GTF2IRD1: variants seen among roughly 807,000 people sequenced by gnomAD.
GTF2IRD1 encodes general transcription factor II-I repeat domain-containing protein 1.
GTF2IRD1 carries 26 observed loss-of-function variants against 113.2 expected under a neutral mutation model. That is an observed-to-expected ratio of 0.23 (90% CI 0.17 to 0.32). The LOEUF is 0.32. Ranked by LOEUF, GTF2IRD1 falls within the 10% of genes least tolerant of loss-of-function variation. The pLI is 1.00. For missense variants in GTF2IRD1, 864 were observed against 1,280.8 expected (o/e 0.67, Z 4.97); for synonymous variants, 484 against 529.1 (o/e 0.91, Z 1.17).
rs553749999 is a variant in GTF2IRD1 at position 74,479,420 on chromosome 7, C to T, written c.-7+25244C>T. 5.3e-3 allele frequency among the ~76,000 whole-genome samples: 767 copies of T among 144,818 alleles called. 4 individuals carry two copies. The highest frequency in any genetic ancestry group is 0.033 in the Middle Eastern group (9 of 272). On this transcript the variant is annotated intron_variant, in intron 1 of 26. Transcript: ENST00000424337. Reference sequence around the variant, plus strand: ...AGGACACGTGGGCGGCCCAGGCTGGCGGTTGGGTTTCCTGGGCAGCCAGTA... The same window carrying T: ...AGGACACGTGGGCGGCCCAGGCTGGTGGTTGGGTTTCCTGGGCAGCCAGTA...
intron 3 of GTF2IRD1, among the ~76,000 whole-genome samples, chr7:74,513,866 A>T (rs1796772484): frequency 6.6e-6 from 1 of 152,102 alleles, no homozygotes; most frequent in African/African-American, 2.4e-5. Context: ...TTTAAAAATT[A>T]ACCAGGCTTG....
In GTF2IRD1 at chr7:74,519,589, C is replaced by T. The variant is rs199873348; in HGVS notation, c.786C>T (p.Leu262=). Residue 262 remains leucine (L), a synonymous_variant, in exon 6 of 27, where the codon CTC becomes CTT. Coordinates refer to ENST00000424337, the MANE Select transcript of GTF2IRD1 (RefSeq NM_005685.4). ...CCAGCTTCCTGTACAGCACGGCGCT[C>T]CCCAACCACGCCATCCGAGAGCTCA... ...SMASFLYSTA[L]PNHAIRELKQ... is the part of the protein sequence containing the mutation. The T allele has an allele frequency of 6.2e-7, 1 of 1,612,752 alleles. No homozygotes were observed. Among genetic ancestry groups the T allele is most frequent in the East Asian group, 2.2e-5 (1 of 44,856 alleles).
chr7:74,515,554 C>A lies in GTF2IRD1; in HGVS notation c.379C>A (p.Leu127Ile). 6.2e-7 allele frequency: 1 copy of A among 1,613,780 alleles called. No individual in the cohort carries two copies. Among genetic ancestry groups the A allele is most frequent in the Non-Finnish European group, 8.5e-7 (1 of 1,179,722 alleles). The change falls in exon 4 of 27, where the codon CTT (leucine) becomes ATT (isoleucine). Residue 127 changes from leucine to isoleucine, a missense_variant. This residue lies in a region of GTF2IRD1 where 182 missense variants were observed against 266.6 expected (regional missense o/e 0.68). Coordinates refer to ENST00000424337, the MANE Select transcript of GTF2IRD1 (RefSeq NM_005685.4). ...SSLEHGSDVYLLRKMVEEVFD... is the reference protein window; with the variant it reads ...SSLEHGSDVYILRKMVEEVFD... ...CCTGGAACATGGCTCAGATGTGTAC[C>A]TTCTGCGGAAGATGGTAGAGGAGGT...
chr7:74,577,083 G>A (rs1459552452), intron 22 of GTF2IRD1, among the ~76,000 whole-genome samples: 1 of 152,002 alleles, frequency 6.6e-6, no homozygotes, highest in Non-Finnish European at 1.5e-5. Context: ...TGTCGCCCAG[G>A]CTGGAGTGCA....
intron 14 of GTF2IRD1, among the ~76,000 whole-genome samples, chr7:74,541,331 A>AC (rs1554351669): frequency 6.6e-6 from 1 of 151,548 alleles, no homozygotes; most frequent in East Asian, 2.0e-4. Context: ...TCTCTAAAAG[A>AC]TTTTTTTTTA....
intron 22 of GTF2IRD1, among the ~76,000 whole-genome samples, chr7:74,577,761 T>G (rs192052772): frequency 6.6e-6 from 1 of 152,074 alleles, no homozygotes. Context: ...AAACCATCCT[T>G]ACCACCTCAG....
chr7:74,506,746 C>G (rs891362125), intron 1 of GTF2IRD1: 1 of 152,252 alleles, frequency 6.6e-6, no homozygotes, highest in Non-Finnish European at 1.5e-5. Flanking sequence ...GAACCAGGAG[C>G]CAAAGGAGGC....
intron 25 of GTF2IRD1, among the ~76,000 whole-genome samples, chr7:74,596,260 G>A (rs1221392746): frequency 1.3e-5 from 2 of 151,958 alleles, no homozygotes; most frequent in African/African-American, 4.8e-5. Context: ...TCAAGAGTTC[G>A]AGACCAGCCT....
intron 1 of GTF2IRD1, among the ~76,000 whole-genome samples, chr7:74,501,310 A>G (rs556327149): frequency 1.3e-5 from 2 of 152,154 alleles, no homozygotes; most frequent in Non-Finnish European, 2.9e-5. Flanking sequence ...TTTAGTTGGT[A>G]TGACCCGAGC....
chr7:74,510,306 ATT>A (rs35912885), intron 2 of GTF2IRD1, among the ~76,000 whole-genome samples: 22 of 137,106 alleles, frequency 1.6e-4, no homozygotes, highest in Admixed American at 1.5e-4. Flanking sequence ...GCTATTTGCA[ATT>A]TTTTTTTTTT....
At chr7:74,534,997 G>T (rs967566472) in intron 9 of GTF2IRD1, 116 bp from the exon 10 acceptor site, 1 of 821,892 alleles carries the variant, frequency 1.2e-6, no homozygotes, top group Non-Finnish European at 2.2e-6. Context: ...CAGGTCTGTA[G>T]CTGTGCATGT....
chr7:74,517,197 T>C (rs587694827), intron 4 of GTF2IRD1, among the ~76,000 whole-genome samples: 1 of 151,856 alleles, frequency 6.6e-6, no homozygotes, highest in African/African-American at 2.4e-5. Flanking sequence ...ATAATTTTTA[T>C]ATTTTTAGTA....
intron 9 of GTF2IRD1, among the ~76,000 whole-genome samples, chr7:74,532,501 C>T (rs188352885): frequency 3.9e-5 from 6 of 152,304 alleles, no homozygotes; most frequent in Admixed American, 2.6e-4. Context: ...CTGCAGTGAG[C>T]TATGATCACG....
chr7:74,487,276 T>G (rs1402781634), intron 1 of GTF2IRD1, among the ~76,000 whole-genome samples: 1 of 152,172 alleles, frequency 6.6e-6, no homozygotes, highest in East Asian at 1.9e-4. Flanking sequence ...GACCTCAGGT[T>G]ATCGACCGCC....
chr7:74,509,328 G>A (rs35246738), intron 2 of GTF2IRD1, among the ~76,000 whole-genome samples: 10,834 of 151,946 alleles, frequency 0.071, 1,180 homozygotes, highest in African/African-American at 0.24. Context: ...CTGCACTCCC[G>A]CCTGGGCAAC....
At chr7:74,547,439 CT>C (rs782144976) in intron 17 of GTF2IRD1, among the ~76,000 whole-genome samples, 153 bp downstream of exon 17, 117 of 111,178 alleles carry the variant, frequency 1.1e-3, no homozygotes, top group Middle Eastern at 5.4e-3. Flanking sequence ...CATGCCCAGC[CT>C]TTTTTTTTTT....
intron 8 of GTF2IRD1, among the ~76,000 whole-genome samples, chr7:74,528,707 GTGGA>G (rs58102974): frequency 0.066 from 7,091 of 106,680 alleles, 182 homozygotes; most frequent in East Asian, 0.16. Context: ...GGAAAGATGG[GTGGA>G]TGGATGGATG....
intron 22 of GTF2IRD1, among the ~76,000 whole-genome samples, chr7:74,575,807 G>C (rs1554364363): frequency 6.6e-6 from 1 of 152,172 alleles, no homozygotes; most frequent in Non-Finnish European, 1.5e-5. Flanking sequence ...GAAGTTGGAA[G>C]CAAGTTGGGG....
intron 22 of GTF2IRD1, among the ~76,000 whole-genome samples, chr7:74,568,788 TC>T (rs1307997326): frequency 6.6e-6 from 1 of 151,914 alleles, no homozygotes; most frequent in African/African-American, 2.4e-5. Flanking sequence ...GGACTAAATG[TC>T]CCCATGGGGA....
Sources: gnomAD v4.1 joint callset for allele counts (sites outside exome capture counted in the v4.1 genomes callset) on GRCh38, gnomAD v4.1.1 for gene constraint, gnomAD v4.1.1 regional missense constraint, MANE v1.5 for transcripts, NCBI Gene and HGNC (gene_info 2026-07-23, HGNC 2026-07-21) for gene names.